LRRC1: variants seen among roughly 807,000 people sequenced by gnomAD.
LRRC1 encodes the protein leucine-rich repeat-containing protein 1.
LRRC1 carries 28 observed loss-of-function variants against 69.9 expected under a neutral mutation model. The ratio of observed to expected loss-of-function variants is 0.40; its 90% CI spans 0.30 to 0.55. The LOEUF is 0.55. Ranked by LOEUF, LRRC1 falls within the 20% of genes least tolerant of loss-of-function variation. The pLI, the probability that LRRC1 is intolerant of heterozygous loss-of-function variation, is 0.47. For missense variants in LRRC1, 498 were observed against 609.0 expected, an observed-to-expected ratio of 0.82 and a Z score of 1.92; for synonymous variants, 236 against 240.2, an observed-to-expected ratio of 0.98 and a Z score of 0.16.
At chr6:53,889,637 G>A (rs1767610849) in intron 4 of LRRC1, among the ~76,000 whole-genome samples, 1 of 152,128 alleles carries the variant, frequency 6.6e-6, no homozygotes, top group Non-Finnish European at 1.5e-5. Context: ...TGGGTGTTGT[G>A]GGGTGGAGGA....
intron 5 of LRRC1, 43 bp downstream of exon 5, chr6:53,896,597 A>G: frequency 6.5e-7 from 1 of 1,541,376 alleles, no homozygotes; most frequent in South Asian, 1.1e-5. Context: ...GTGCAGAATG[A>G]ATTTAAGTAT....
intron 2 of LRRC1, among the ~76,000 whole-genome samples, chr6:53,854,326 A>G (rs551080003): frequency 2.6e-5 from 4 of 152,218 alleles, no homozygotes; most frequent in East Asian, 1.9e-4. Flanking sequence ...GGGTAGAGAA[A>G]TCAGTTATTA....
chr6:53,922,851 C>A lies in LRRC1; in HGVS notation c.*58C>A. On this transcript the variant is annotated 3_prime_UTR_variant, in exon 14 of 14. Transcript: ENST00000370888. ...TCCTCTGCTGTCGAGACGTTCCTGT[C>A]TGCTTCCCGGGAGCCTCACGTGCTC... 1.3e-6 allele frequency: 2 copies of A among 1,551,834 alleles called. No homozygotes were observed. Among genetic ancestry groups the A allele is most frequent in the South Asian group, 1.2e-5 (1 of 84,880 alleles).
chr6:53,852,730 T>C (rs1403796085), intron 2 of LRRC1, among the ~76,000 whole-genome samples: 1 of 152,152 alleles, frequency 6.6e-6, no homozygotes, highest in African/African-American at 2.4e-5. Flanking sequence ...TATAGACTAG[T>C]TACCCTCTGA....
chr6:53,798,401 G>A lies in LRRC1; in HGVS notation c.159+2986G>A, dbSNP rs140495303. Among the ~76,000 whole-genome samples, 433 of 152,106 alleles carry A rather than the reference G, an allele frequency of 2.8e-3. 3 individuals carry two copies. Among genetic ancestry groups the A allele is most frequent in the African/African-American group, 9.4e-3 (391 of 41,492 alleles). Reference sequence around the variant, plus strand: ...TTTTTATTTATTTATTTTTTGAGACGGAGTCTCACTCTTGTTGCCTAGGCT... The same window carrying A: ...TTTTTATTTATTTATTTTTTGAGACAGAGTCTCACTCTTGTTGCCTAGGCT... On this transcript the variant is annotated intron_variant, in intron 1 of 13. Coordinates refer to ENST00000370888, the MANE Select transcript of LRRC1 (RefSeq NM_018214.5).
At chr6:53,800,548 G>A (rs184707767) in intron 1 of LRRC1, among the ~76,000 whole-genome samples, 206 of 151,954 alleles carry the variant, frequency 1.4e-3, no homozygotes, top group Middle Eastern at 3.4e-3. Flanking sequence ...CACCATGCCC[G>A]GCCAAAATAA....
At chr6:53,881,330 A>G (rs559403079) in intron 3 of LRRC1, among the ~76,000 whole-genome samples, 1 of 152,336 alleles carries the variant, frequency 6.6e-6, no homozygotes, top group South Asian at 2.1e-4. Flanking sequence ...TTGGGTCTGT[A>G]CTTCCTCATC....
chr6:53,920,145 G>A (rs1178934445), intron 12 of LRRC1, among the ~76,000 whole-genome samples: 4 of 152,196 alleles, frequency 2.6e-5, no homozygotes, highest in Non-Finnish European at 4.4e-5. Context: ...TTTGGTGGAG[G>A]AGAACCGGAG....
intron 2 of LRRC1, among the ~76,000 whole-genome samples, chr6:53,846,492 C>T (rs1175304557): frequency 6.6e-6 from 1 of 152,144 alleles, no homozygotes; most frequent in Non-Finnish European, 1.5e-5. Flanking sequence ...GCCGCTGGGC[C>T]TTCTTTTGCG....
Position 53,851,173 on chromosome 6 carries a change from G to GACACACACACACACACAC in LRRC1, c.277+8961_277+8978dup, listed in dbSNP as rs3222575. On this transcript the variant is annotated intron_variant, in intron 2 of 13. Coordinates refer to ENST00000370888, the MANE Select transcript of LRRC1 (RefSeq NM_018214.5). ...GTCTCCAGGGAAACAGAACTAATAG[G>GACACACACACACACACAC]ACACACACACACACACACACACACA... Among the ~76,000 whole-genome samples the GACACACACACACACACAC allele has an allele frequency of 4.8e-5, 7 of 144,700 alleles. No individual in the cohort carries two copies. In the East Asian group the frequency reaches 8.2e-4, roughly 17 times the overall value. 94.9% of individuals were successfully genotyped at this position (144,700 alleles called of 152,430 possible).
intron 2 of LRRC1, among the ~76,000 whole-genome samples, chr6:53,844,102 G>T (rs1765868170): frequency 6.6e-6 from 1 of 152,080 alleles, no homozygotes; most frequent in Non-Finnish European, 1.5e-5. Context: ...ATGGGGTGGG[G>T]TGGGCATCTG....
At chr6:53,812,103 C>G (rs1046535228) in intron 1 of LRRC1, among the ~76,000 whole-genome samples, 2 of 152,218 alleles carry the variant, frequency 1.3e-5, no homozygotes, top group Non-Finnish European at 2.9e-5. Flanking sequence ...AAGAAGGTGT[C>G]AAGAGATAAG....
At chr6:53,910,193 T>A (rs1768365201) in intron 10 of LRRC1, among the ~76,000 whole-genome samples, 1 of 152,180 alleles carries the variant, frequency 6.6e-6, no homozygotes, top group Non-Finnish European at 1.5e-5. Context: ...TATTCCATAA[T>A]TCTCAGAGAA....
chr6:53,842,021 T>C, intron 1 of LRRC1, 89 bp from the exon 2 acceptor site: 2 of 775,854 alleles, frequency 2.6e-6, no homozygotes. Flanking sequence ...CATTAGTTTT[T>C]AAAAGACATT....
chr6:53,857,471 C>G (rs528142733), intron 2 of LRRC1, among the ~76,000 whole-genome samples: 1 of 152,238 alleles, frequency 6.6e-6, no homozygotes, highest in African/African-American at 2.4e-5. Flanking sequence ...GGTGAAACTG[C>G]CCAGGCATAA....
At chr6:53,912,076 A>C (rs1018467836) in intron 10 of LRRC1, among the ~76,000 whole-genome samples, 1 of 152,254 alleles carries the variant, frequency 6.6e-6, no homozygotes, top group Non-Finnish European at 1.5e-5. Flanking sequence ...GTAAGTAAAT[A>C]AAGTGTATAA....
chr6:53,858,040 A>G (rs1766369282), intron 2 of LRRC1, among the ~76,000 whole-genome samples: 1 of 152,192 alleles, frequency 6.6e-6, no homozygotes, highest in South Asian at 2.1e-4. Flanking sequence ...TGTTGCCACT[A>G]CAAGGCAGAC....
At chr6:53,899,957 A>T in intron 8 of LRRC1, 66 bp downstream of exon 8, 3 of 1,464,374 alleles carry the variant, frequency 2.0e-6, no homozygotes, top group Non-Finnish European at 2.8e-6. Context: ...TTTGGGGCAC[A>T]CTTTGATCCT....
chr6:53,811,805 A>G (rs922490368), intron 1 of LRRC1, among the ~76,000 whole-genome samples: 6 of 152,222 alleles, frequency 3.9e-5, no homozygotes, highest in African/African-American at 1.4e-4. Flanking sequence ...GCTAGACTAC[A>G]AAGGCGCAGG....
Sources: gnomAD v4.1 joint callset for allele counts (sites outside exome capture counted in the v4.1 genomes callset) on GRCh38, gnomAD v4.1.1 for gene constraint, MANE v1.5 for transcripts, NCBI Gene and HGNC (gene_info 2026-07-23, HGNC 2026-07-21) for gene names.